The following SLC26A7 variants were observed in gnomAD, a reference collection of about 807,000 sequenced individuals.
SLC26A7 encodes anion exchange transporter.
In SLC26A7, 59 loss-of-function variants were observed where a neutral mutation model predicts 82.5. The ratio of observed to expected loss-of-function variants is 0.72; its 90% CI spans 0.58 to 0.89. The LOEUF is 0.89. Among genes scored for constraint, SLC26A7 ranks in the 40% least tolerant of loss-of-function variants. The pLI is 0.00. For synonymous variants in SLC26A7, 271 were observed against 274.3 expected, an observed-to-expected ratio of 0.99 and a Z score of 0.12; for missense variants, 820 against 793.0, an observed-to-expected ratio of 1.03 and a Z score of -0.41.
chr8:91,232,555 C>A, intron 2 of SLC26A7, among the ~76,000 whole-genome samples: 1 of 152,150 alleles, frequency 6.6e-6, no homozygotes, highest in East Asian at 1.9e-4. Context: ...TTGGGTTGAA[C>A]ATGTCTTGCT....
rs114280964 is a variant in SLC26A7 at position 91,356,839 on chromosome 8, A to G, written c.1314+3843A>G. ...CTCATTTCCATGAATAGGGCCCTTG[A>G]TGATTTATTTAGAATTGTAATGCAT... On this transcript the variant is annotated intron_variant, in intron 11 of 18. Coordinates refer to ENST00000276609, the MANE Select transcript of SLC26A7 (RefSeq NM_052832.4). Among the ~76,000 whole-genome samples, 993 of 152,022 alleles carry G rather than the reference A, an allele frequency of 6.5e-3. 7 individuals carry two copies. The highest frequency in any genetic ancestry group is 0.023 in the African/African-American group (964 of 41,446).
chr8:91,286,903 G>A (rs1811727410), intron 2 of SLC26A7, among the ~76,000 whole-genome samples: 1 of 152,022 alleles, frequency 6.6e-6, no homozygotes, highest in Non-Finnish European at 1.5e-5. Context: ...TTTTTTTGAG[G>A]TACGTGTGTG....
chr8:91,394,959 C>A, intron 18 of SLC26A7, 103 bp from the exon 19 acceptor site: 1 of 1,352,810 alleles, frequency 7.4e-7, no homozygotes, highest in Non-Finnish European at 1.0e-6. Flanking sequence ...TTTTCTTTGG[C>A]TTAGCTGGAC....
chr8:91,362,102 A>G (rs908637599), intron 11 of SLC26A7, among the ~76,000 whole-genome samples: 10 of 152,192 alleles, frequency 6.6e-5, no homozygotes, highest in African/African-American at 1.9e-4. Context: ...TTTGTTGGGG[A>G]TTGAACTAAG....
chr8:91,289,839 G>C (rs958055236), intron 3 of SLC26A7, among the ~76,000 whole-genome samples: 1 of 152,026 alleles, frequency 6.6e-6, no homozygotes, highest in African/African-American at 2.4e-5. Flanking sequence ...CTCTTTACTT[G>C]GTGTAACTCT....
chr8:91,383,884 T>G (rs1814728701), intron 15 of SLC26A7, among the ~76,000 whole-genome samples: 1 of 152,208 alleles, frequency 6.6e-6, no homozygotes, highest in Non-Finnish European at 1.5e-5. Context: ...TAATCTTTCT[T>G]GTACATATTG....
intron 2 of SLC26A7, among the ~76,000 whole-genome samples, chr8:91,229,027 A>G (rs1810277540): frequency 6.6e-6 from 1 of 152,346 alleles, no homozygotes; most frequent in South Asian, 2.1e-4. Context: ...GGACGGACAA[A>G]GCCTCAGAGA....
At chr8:91,264,486 GA>G (rs894561931) in intron 2 of SLC26A7, among the ~76,000 whole-genome samples, 3 of 151,920 alleles carry the variant, frequency 2.0e-5, no homozygotes, top group African/African-American at 7.2e-5. Context: ...AATAAACCTG[GA>G]AAACCAAAAT....
chr8:91,289,093 T>C, intron 2 of SLC26A7, 43 bp from the exon 3 acceptor site: 2 of 1,249,472 alleles, frequency 1.6e-6, no homozygotes, highest in Non-Finnish European at 2.4e-6. Flanking sequence ...GACTGTGTCT[T>C]GGGGTTATAA....
At chr8:91,338,310 G>T in intron 7 of SLC26A7, 78 bp downstream of exon 7, 2 of 889,032 alleles carry the variant, frequency 2.2e-6, no homozygotes, top group Non-Finnish European at 3.4e-6. Flanking sequence ...GGAGTGAGTG[G>T]GTATGGATAT....
At chr8:91,312,552 A>G (rs1255564524) in intron 4 of SLC26A7, among the ~76,000 whole-genome samples, 3 of 152,044 alleles carry the variant, frequency 2.0e-5, no homozygotes, top group African/African-American at 4.8e-5. Context: ...TGGCTATACC[A>G]TTTTACATTC....
upstream of SLC26A7, among the ~76,000 whole-genome samples, chr8:91,248,941 G>A (rs1810586864): frequency 6.6e-6 from 1 of 152,156 alleles, no homozygotes; most frequent in Admixed American, 6.6e-5. Flanking sequence ...AGACTGGGCA[G>A]TAGCTATCTG....
intron 15 of SLC26A7, among the ~76,000 whole-genome samples, chr8:91,372,057 T>A (rs1236433531): frequency 1.3e-5 from 2 of 152,062 alleles, no homozygotes; most frequent in African/African-American, 4.8e-5. Context: ...TCTGTTAATG[T>A]CCTTTGCTCA....
chr8:91,364,182 T>C (rs1182526828), intron 13 of SLC26A7, among the ~76,000 whole-genome samples: 1 of 152,202 alleles, frequency 6.6e-6, no homozygotes, highest in African/African-American at 2.4e-5. Flanking sequence ...AGGGTAAAAT[T>C]GTTGACTTGA....
At chr8:91,285,365 T>C (rs1329848175) in intron 2 of SLC26A7, among the ~76,000 whole-genome samples, 6 of 152,276 alleles carry the variant, frequency 3.9e-5, no homozygotes, top group Non-Finnish European at 5.9e-5. Flanking sequence ...CACGCCTTCA[T>C]TGTCACATGA....
chr8:91,380,336 C>T (rs1158613764), intron 15 of SLC26A7, among the ~76,000 whole-genome samples: 1 of 152,056 alleles, frequency 6.6e-6, no homozygotes, highest in East Asian at 1.9e-4. Context: ...CAACTCTAAA[C>T]ACGAAATTAA....
chr8:91,364,779 G>T (rs979905145), intron 13 of SLC26A7, among the ~76,000 whole-genome samples: 6 of 152,180 alleles, frequency 3.9e-5, no homozygotes, highest in Non-Finnish European at 7.4e-5. Flanking sequence ...GAGGGGATTT[G>T]TAGGAAGATG....
rs893333712 is a variant in SLC26A7 at position 91,295,502 on chromosome 8, A to C, written c.305-29A>C. On this transcript the variant is annotated intron_variant, in intron 3 of 18. Transcript: ENST00000276609. The stretch of plus-strand genomic sequence containing the variant: ...TGAGCCTTTAAATCAAATTACTAAT[A>C]GAAGATTCCCCACACCACTTGGTTT... 4 of 1,591,010 alleles carry C rather than the reference A, an allele frequency of 2.5e-6. No homozygotes were observed. The African/African-American group carries it at 4.1e-5, about 16-fold the overall frequency.
intron 15 of SLC26A7, among the ~76,000 whole-genome samples, chr8:91,385,771 C>T (rs898177559): frequency 1.3e-5 from 2 of 152,234 alleles, no homozygotes; most frequent in African/African-American, 2.4e-5. Flanking sequence ...AATCTATCAT[C>T]ATGTACATTA....
Sources: gnomAD v4.1 joint callset for allele counts (sites outside exome capture counted in the v4.1 genomes callset) on GRCh38, gnomAD v4.1.1 for gene constraint, MANE v1.5 for transcripts, NCBI Gene and HGNC (gene_info 2026-07-23, HGNC 2026-07-21) for gene names.